CDH18: variants seen among roughly 807,000 people sequenced by gnomAD.
CDH18 encodes cadherin-18.
In CDH18, 31 loss-of-function variants were observed where a neutral mutation model predicts 67.9. The observed-to-expected ratio is 0.46, with a 90% CI of 0.34 to 0.62. CDH18 has a LOEUF of 0.62. Among genes scored for constraint, CDH18 ranks in the 20% least tolerant of loss-of-function variants. The pLI, the probability that CDH18 is intolerant of heterozygous loss-of-function variation, is 0.01. For synonymous variants in CDH18, 362 were observed against 347.2 expected (o/e 1.04, Z -0.48); for missense variants, 890 against 975.5 (o/e 0.91, Z 1.17).
intron 2 of CDH18, among the ~76,000 whole-genome samples, chr5:20,001,967 A>G (rs1056953162): frequency 1.3e-5 from 2 of 152,142 alleles, no homozygotes; most frequent in Non-Finnish European, 2.9e-5. Flanking sequence ...TTCTCTGTCT[A>G]TCTAAAGATT....
chr5:20,155,170 A>G (rs941427211), intron 2 of CDH18, among the ~76,000 whole-genome samples: 9 of 152,148 alleles, frequency 5.9e-5, no homozygotes, highest in African/African-American at 2.2e-4. Context: ...GTTTCTAAAT[A>G]TTTTAAATGA....
At chr5:19,940,112 A>G (rs1794670283) in intron 2 of CDH18, among the ~76,000 whole-genome samples, 1 of 151,786 alleles carries the variant, frequency 6.6e-6, no homozygotes, top group Non-Finnish European at 1.5e-5. Context: ...CTTTTCTTTT[A>G]ACTTTATTTT....
intron 2 of CDH18, among the ~76,000 whole-genome samples, chr5:20,115,983 C>A (rs1186414384): frequency 6.6e-6 from 1 of 152,144 alleles, no homozygotes; most frequent in African/African-American, 2.4e-5. Context: ...TAGGTTGGTG[C>A]AAAAATTATT....
chr5:19,661,455 C>T (rs1297140491), intron 5 of CDH18, among the ~76,000 whole-genome samples: 1 of 151,760 alleles, frequency 6.6e-6, no homozygotes, highest in Non-Finnish European at 1.5e-5. Flanking sequence ...TAATATTTTT[C>T]TTTTAAAATA....
At chr5:19,492,896 T>G (rs183628894) in intron 11 of CDH18, among the ~76,000 whole-genome samples, 1 of 152,278 alleles carries the variant, frequency 6.6e-6, no homozygotes, top group East Asian at 1.9e-4. Context: ...AAAGAATGAA[T>G]GTCAGAGTAT....
chr5:20,207,601 C>G (rs1740002753), intron 2 of CDH18, among the ~76,000 whole-genome samples: 2 of 151,896 alleles, frequency 1.3e-5, no homozygotes, highest in South Asian at 2.1e-4. Context: ...CTAAAACAAC[C>G]AGATATTGTG....
chr5:20,011,039 G>A (rs1737394925), intron 2 of CDH18, among the ~76,000 whole-genome samples: 1 of 152,108 alleles, frequency 6.6e-6, no homozygotes, highest in African/African-American at 2.4e-5. Flanking sequence ...CTCACAAATA[G>A]CGTTTCAATT....
At chr5:19,751,402 G>GT (rs1355738983) in intron 3 of CDH18, among the ~76,000 whole-genome samples, 1 of 152,076 alleles carries the variant, frequency 6.6e-6, no homozygotes, top group Non-Finnish European at 1.5e-5. Context: ...TTTATAAGTA[G>GT]AAAACATATT....
chr5:20,278,706 C>A (rs985324562), intron 1 of CDH18, among the ~76,000 whole-genome samples: 1 of 152,000 alleles, frequency 6.6e-6, no homozygotes, highest in South Asian at 2.1e-4. Context: ...ATACAAAGAA[C>A]GAACAGTTAA....
At chr5:19,592,717 A>G (rs920377515) in intron 6 of CDH18, among the ~76,000 whole-genome samples, 1 of 152,162 alleles carries the variant, frequency 6.6e-6, no homozygotes, top group Non-Finnish European at 1.5e-5. Context: ...ACAAATTTCT[A>G]CACAACACAG....
intron 2 of CDH18, among the ~76,000 whole-genome samples, chr5:19,843,519 C>G (rs566674722): frequency 1.3e-5 from 2 of 152,168 alleles, no homozygotes; most frequent in Admixed American, 1.3e-4. Context: ...GGGTGGAGCC[C>G]TCATGGAGAA....
chr5:20,570,705 G>A (rs1029346972), intron 1 of CDH18, among the ~76,000 whole-genome samples: 1 of 152,128 alleles, frequency 6.6e-6, no homozygotes, highest in Admixed American at 6.6e-5. Flanking sequence ...CAAGGATGAA[G>A]GTACATGACT....
intron 1 of CDH18, among the ~76,000 whole-genome samples, chr5:20,275,805 G>C (rs188046758): frequency 4.1e-4 from 63 of 152,296 alleles, no homozygotes; most frequent in African/African-American, 1.4e-3. Flanking sequence ...GGATAGGAAA[G>C]ACAGTCTTGA....
chr5:20,111,499 T>C (rs2126342896), intron 2 of CDH18, among the ~76,000 whole-genome samples: 1 of 147,392 alleles, frequency 6.8e-6, no homozygotes, highest in East Asian at 2.0e-4. Context: ...ATATAAAATC[T>C]TCCTTCCTTC....
At chr5:19,650,730 A>G (rs1755452823) in intron 5 of CDH18, among the ~76,000 whole-genome samples, 1 of 152,074 alleles carries the variant, frequency 6.6e-6, no homozygotes, top group South Asian at 2.1e-4. Flanking sequence ...CAATTAGGGG[A>G]AAATTAAACG....
At chr5:19,849,033 A>G (rs1362797882) in intron 2 of CDH18, among the ~76,000 whole-genome samples, 1 of 151,882 alleles carries the variant, frequency 6.6e-6, no homozygotes, top group Non-Finnish European at 1.5e-5. Context: ...GGATTAAAAG[A>G]AGAATACAAC....
intron 1 of CDH18, among the ~76,000 whole-genome samples, chr5:20,365,052 A>G (rs1004438369): frequency 1.3e-5 from 2 of 152,226 alleles, no homozygotes; most frequent in African/African-American, 4.8e-5. Flanking sequence ...TAAGATAACT[A>G]GCAGCTTGAG....
chr5:20,089,234 TC>T (rs1745227564), intron 2 of CDH18, among the ~76,000 whole-genome samples: 1 of 152,136 alleles, frequency 6.6e-6, no homozygotes, highest in African/African-American at 2.4e-5. Flanking sequence ...TTTTTTTGTT[TC>T]ATTGTTTCTT....
chr5:19,794,674 T>C (rs1776681795), intron 3 of CDH18, among the ~76,000 whole-genome samples: 1 of 152,128 alleles, frequency 6.6e-6, no homozygotes, highest in South Asian at 2.1e-4. Flanking sequence ...CATATGTAAG[T>C]ACCATTTATT....
Sources: allele counts gnomAD v4.1 joint callset (sites outside exome capture counted in the v4.1 genomes callset), GRCh38; gene constraint gnomAD v4.1.1; transcripts MANE v1.5; gene names NCBI Gene and HGNC (gene_info 2026-07-23, HGNC 2026-07-21).